Variants in SART3 observed in about 807,000 individuals in gnomAD.
SART3 encodes HIV-1 Tat-interacting protein of 110kDa.
SART3 carries 44 observed loss-of-function variants against 122.3 expected under a neutral mutation model. The observed-to-expected ratio is 0.36, with a 90% confidence interval of 0.28 to 0.46. The LOEUF (loss-of-function observed/expected upper bound fraction) is 0.46. SART3 is among the 20% of genes least tolerant of loss of function. SART3 has a pLI of 1.00. For missense variants in SART3, 1,101 were observed against 1,229.0 expected (o/e 0.90, Z 1.56); for synonymous variants, 442 against 454.0 (o/e 0.97, Z 0.34).
At chr12:108,553,974 T>A (rs988950808) in intron 1 of SART3, 3 of 152,282 alleles carry the variant, frequency 2.0e-5, no homozygotes, top group African/African-American at 7.2e-5. Context: ...CCTCTCAACA[T>A]GGCAGCCAGC....
intron 12 of SART3, among the ~76,000 whole-genome samples, chr12:108,533,474 A>G (rs1321205196): frequency 1.3e-5 from 2 of 151,962 alleles, no homozygotes; most frequent in Admixed American, 6.6e-5. Flanking sequence ...ACTTGAAAGG[A>G]AACTTGAGTG....
chr12:108,550,928 A>G (rs1009095910), intron 1 of SART3, among the ~76,000 whole-genome samples: 19 of 152,242 alleles, frequency 1.2e-4, no homozygotes, highest in African/African-American at 4.6e-4. Context: ...GGAGAAACAG[A>G]AGAATGAGAA....
chr12:108,558,788 C>A (rs1355295851), intron 1 of SART3, among the ~76,000 whole-genome samples: 2 of 152,126 alleles, frequency 1.3e-5, no homozygotes, highest in African/African-American at 4.8e-5. Context: ...AATCCCAGCA[C>A]TTTGGGAGGC....
At chr12:108,555,708 T>C (rs1171618693) in intron 1 of SART3, among the ~76,000 whole-genome samples, 1 of 152,170 alleles carries the variant, frequency 6.6e-6, no homozygotes, top group African/African-American at 2.4e-5. Context: ...TGGAGTTATA[T>C]GCATGTTCTG....
At chr12:108,555,820 T>C (rs1016879) in intron 1 of SART3, among the ~76,000 whole-genome samples, 112,753 of 152,088 alleles carry the variant, frequency 0.74, 43,686 homozygotes, top group East Asian at 0.92. Context: ...TTCACAGACC[T>C]TGACAAAATA....
intron 14 of SART3, 48 bp from the exon 15 acceptor site, chr12:108,530,358 C>A: frequency 6.3e-7 from 1 of 1,596,270 alleles, no homozygotes. Flanking sequence ...CAATTACATT[C>A]ACTGTACTGA....
At chr12:108,554,592 T>A (rs1240881504) in intron 1 of SART3, among the ~76,000 whole-genome samples, 1 of 151,114 alleles carries the variant, frequency 6.6e-6, no homozygotes, top group Non-Finnish European at 1.5e-5. Flanking sequence ...AGAAAGGCAC[T>A]TCCTTAACCT....
chr12:108,525,646 C>T (rs759130885), intron 16 of SART3, 37 bp from the exon 17 acceptor site: 8 of 1,609,008 alleles, frequency 5.0e-6, no homozygotes, highest in South Asian at 1.1e-5. Context: ...AACCATGATT[C>T]GAGGCATGAC....
At chr12:108,553,562 G>A (rs1038405507) in intron 1 of SART3, among the ~76,000 whole-genome samples, 5 of 152,082 alleles carry the variant, frequency 3.3e-5, no homozygotes. Flanking sequence ...TCCCTCTCCA[G>A]AGATAAAAGA....
Position 108,526,225 on chromosome 12 carries a change from G to A in SART3, c.2244C>T (p.Tyr748=). The A allele has an allele frequency of 6.2e-7, 1 of 1,614,178 alleles. No homozygotes were observed. Among genetic ancestry groups the A allele is most frequent in the Non-Finnish European group, 8.5e-7 (1 of 1,180,036 alleles). The change falls in exon 16 of 19, where the codon TAC becomes TAT. Residue 748 remains tyrosine, a synonymous_variant. Transcript: ENST00000546815. Reference sequence around the variant, plus strand: ...TCTCTTCTTTAAACTCCACGTAGCAGTAACCTCGGAAATCCCCACGGTTGC... The same window carrying A: ...TCTCTTCTTTAAACTCCACGTAGCAATAACCTCGGAAATCCCCACGGTTGC... ...IFSNRGDFRG[Y]CYVEFKEEKS...
At chr12:108,526,898 T>C (rs1357567706) in intron 15 of SART3, among the ~76,000 whole-genome samples, 1 of 152,196 alleles carries the variant, frequency 6.6e-6, no homozygotes, top group African/African-American at 2.4e-5. Context: ...TCAGCAGGGT[T>C]GGGATAGGAC....
At chr12:108,529,525 G>C (rs780344099) in intron 15 of SART3, among the ~76,000 whole-genome samples, 1 of 152,184 alleles carries the variant, frequency 6.6e-6, no homozygotes, top group Non-Finnish European at 1.5e-5. Flanking sequence ...AGGTCAAAGG[G>C]ACATAGAAGC....
In SART3 at chr12:108,561,062, C is replaced by G. The variant is rs1224093560; in HGVS notation, c.93G>C (p.Ala31=). The G allele has an allele frequency of 6.2e-7, 1 of 1,614,024 alleles. No individual in the cohort carries two copies. The highest frequency in any genetic ancestry group is 1.3e-5 in the African/African-American group (1 of 74,906). The change falls in exon 1 of 19, where the codon GCG becomes GCC. Residue 31 remains alanine, a synonymous_variant. Transcript: ENST00000546815. The part of the protein sequence containing the change: ...KADGEEDEVK[A]ARTRRKVLSR... ...ATAACACCTTCCTCCTTGTCCTAGCCGCCTTAACCTCATCCTCCTCTCCGT... is the reference window on the plus strand; with the variant it reads ...ATAACACCTTCCTCCTTGTCCTAGCGGCCTTAACCTCATCCTCCTCTCCGT...
At chr12:108,539,177 TA>T (rs1873048602) in intron 6 of SART3, 88 bp from the exon 7 acceptor site, 1 of 1,378,752 alleles carries the variant, frequency 7.3e-7, no homozygotes, top group African/African-American at 1.4e-5. Flanking sequence ...CAAAACTGGC[TA>T]CAGTAACTAT....
At chr12:108,530,439 G>C in intron 14 of SART3, 129 bp from the exon 15 acceptor site, 1 of 1,042,038 alleles carries the variant, frequency 9.6e-7, no homozygotes, top group Non-Finnish European at 1.4e-6. Context: ...GAAAAACGTG[G>C]ACAGGCTCAC....
At chr12:108,541,998 CTTTTTTTTTTTT>C (rs55746158) in intron 6 of SART3, among the ~76,000 whole-genome samples, 1 of 68,062 alleles carries the variant, frequency 1.5e-5, no homozygotes, top group Non-Finnish European at 2.8e-5. Flanking sequence ...CCAAGCCCGG[CTTTTTTTTTTTT>C]TTTTTTTTTT....
chr12:108,537,461 T>C, intron 9 of SART3, 27 bp downstream of exon 9: 1 of 1,566,658 alleles, frequency 6.4e-7, no homozygotes, highest in Non-Finnish European at 8.8e-7. Flanking sequence ...TGTTCAGCTC[T>C]AAAGTGAAAA....
chr12:108,528,662 A>G (rs1047215357), intron 15 of SART3, among the ~76,000 whole-genome samples: 1 of 152,148 alleles, frequency 6.6e-6, no homozygotes, highest in Admixed American at 6.5e-5. Flanking sequence ...AAGGGTGTCC[A>G]TGCAGGGCCG....
rs2029891131 is a variant in SART3 at position 108,549,183 on chromosome 12, T to C, written c.344A>G (p.His115Arg). The change falls in exon 2 of 19, where the codon CAT becomes CGT. Residue 115 changes from histidine (H) to arginine (R), a missense_variant. By Grantham distance (29) the His-to-Arg change is conservative. Transcript: ENST00000546815. The part of the protein sequence containing the change: ...LSINVYDYNC[H>R]VDLIRLLRLE... ...CCTGAGCAGTCTGATCAAGTCCACATGGCAGTTGTAGTCATAGACGTTGAT... is the reference window on the plus strand; with the variant it reads ...CCTGAGCAGTCTGATCAAGTCCACACGGCAGTTGTAGTCATAGACGTTGAT... The C allele has an allele frequency of 6.2e-7, 1 of 1,614,096 alleles. No individual in the cohort carries two copies. The highest frequency in any genetic ancestry group is 1.3e-5 in the African/African-American group (1 of 74,936).
Sources: gnomAD v4.1 joint callset for allele counts (sites outside exome capture counted in the v4.1 genomes callset) on GRCh38, gnomAD v4.1.1 for gene constraint, MANE v1.5 for transcripts, NCBI Gene and HGNC (gene_info 2026-07-23, HGNC 2026-07-21) for gene names.